Variants in CLASP1 observed in about 807,000 individuals in gnomAD.
CLASP1 encodes the protein CLIP-associating protein 1.
In CLASP1, 38 loss-of-function variants were observed where a neutral mutation model predicts 192.3. The observed-to-expected ratio is 0.20, with a 90% CI of 0.15 to 0.26. The LOEUF (loss-of-function observed/expected upper bound fraction) is 0.26, where lower values mean the gene tolerates loss of function less well. CLASP1 is among the 10% of genes least tolerant of loss of function. CLASP1 has a pLI of 1.00. For synonymous variants in CLASP1, 691 were observed against 712.8 expected (o/e 0.97, Z 0.49); for missense variants, 1,433 against 1,932.5 (o/e 0.74, Z 4.85).
chr2:121,474,213 T>C (rs183651217), intron 8 of CLASP1, among the ~76,000 whole-genome samples: 25 of 152,266 alleles, frequency 1.6e-4, no homozygotes, highest in Admixed American at 1.4e-3. Flanking sequence ...AATTAGGATA[T>C]ATGTTGCTGT....
intron 2 of CLASP1, among the ~76,000 whole-genome samples, chr2:121,536,289 G>A (rs1425589281): frequency 6.8e-6 from 1 of 146,186 alleles, no homozygotes; most frequent in African/African-American, 2.6e-5. Context: ...GCTGAGGCAG[G>A]AGAATCGCAT....
intron 2 of CLASP1, among the ~76,000 whole-genome samples, chr2:121,564,542 C>T (rs1207997035): frequency 1.3e-5 from 2 of 152,188 alleles, no homozygotes; most frequent in East Asian, 3.8e-4. Context: ...CCAAGGGGCT[C>T]TAAAGCCCAG....
intron 28 of CLASP1, among the ~76,000 whole-genome samples, chr2:121,400,526 C>G (rs1411389434): frequency 1.3e-5 from 2 of 152,230 alleles, no homozygotes; most frequent in East Asian, 3.8e-4. Context: ...ATACCACCCC[C>G]CTGCCCCCAC....
intron 25 of CLASP1, among the ~76,000 whole-genome samples, chr2:121,406,520 G>A (rs2076933836): frequency 6.6e-6 from 1 of 152,196 alleles, no homozygotes; most frequent in Non-Finnish European, 1.5e-5. Flanking sequence ...TGTACAGGAA[G>A]ATTTCTCAAA....
intron 2 of CLASP1, among the ~76,000 whole-genome samples, chr2:121,600,896 C>T (rs1271912563): frequency 2.0e-5 from 3 of 152,194 alleles, no homozygotes; most frequent in African/African-American, 7.2e-5. Context: ...CATTCAAAGG[C>T]AATCACGGAC....
At chr2:121,648,232 T>C (rs1441387089) in intron 1 of CLASP1, among the ~76,000 whole-genome samples, 3 of 152,164 alleles carry the variant, frequency 2.0e-5, no homozygotes, top group Non-Finnish European at 2.9e-5. Context: ...AATGCCAGAA[T>C]TGAAAACGGA....
intron 6 of CLASP1, among the ~76,000 whole-genome samples, chr2:121,518,492 A>G (rs1346867893): frequency 2.0e-5 from 3 of 152,194 alleles, no homozygotes; most frequent in Admixed American, 2.0e-4. Flanking sequence ...GCATTTTGTT[A>G]TGGCAGCCAG....
chr2:121,511,646 G>C lies in CLASP1; in HGVS notation c.644+4019C>G, dbSNP rs1302736907. Among the ~76,000 whole-genome samples the C allele has an allele frequency of 8.7e-5, 13 of 149,536 alleles. No homozygotes were observed. In the East Asian group the frequency reaches 2.3e-3, roughly 27 times the overall value. On this transcript the variant is annotated intron_variant, in intron 7 of 39. Coordinates refer to ENST00000263710, the Ensembl canonical transcript of CLASP1. ...TGAAATTCAGCCTGCATAGTGAAAA[G>C]TATAATTCTTATAGTGACAAAAAAT... is the stretch of plus-strand genomic sequence containing the variant.
At chr2:121,357,707 T>C (rs1343396510) in intron 37 of CLASP1, among the ~76,000 whole-genome samples, 1 of 152,206 alleles carries the variant, frequency 6.6e-6, no homozygotes, top group Admixed American at 6.5e-5. Context: ...AAATAGACAC[T>C]GTGCCTGGCA....
intron 2 of CLASP1, among the ~76,000 whole-genome samples, chr2:121,594,615 T>C (rs932542112): frequency 6.6e-6 from 1 of 152,042 alleles, no homozygotes; most frequent in Non-Finnish European, 1.5e-5. Flanking sequence ...ATGGTCTCCA[T>C]CTCCTGACCT....
intron 28 of CLASP1, among the ~76,000 whole-genome samples, chr2:121,400,615 T>C (rs2076022288): frequency 6.6e-6 from 1 of 152,234 alleles, no homozygotes; most frequent in Non-Finnish European, 1.5e-5. Context: ...AAATCCTGGA[T>C]TTGCGTTCCC....
chr2:121,466,244 G>A (rs6541778), intron 9 of CLASP1, among the ~76,000 whole-genome samples: 38,361 of 152,064 alleles, frequency 0.25, 7,716 homozygotes, highest in African/African-American at 0.56. Context: ...TTTAAACTCA[G>A]TAACAAAAAG....
intron 39 of CLASP1, 41 bp downstream of exon 40, chr2:121,346,997 A>G (rs778847434): frequency 2.3e-5 from 29 of 1,253,838 alleles, no homozygotes; most frequent in Non-Finnish European, 3.2e-5. Context: ...AAGCTGGCAG[A>G]GCCCAGGTGT....
At chr2:121,384,071 CACACACATATATATGTATATAT>C (rs1374710271) in intron 32 of CLASP1, among the ~76,000 whole-genome samples, 138 of 136,912 alleles carry the variant, frequency 1.0e-3, no homozygotes, top group South Asian at 2.5e-3. Context: ...TATATATACA[CACACACATATATATGTATATAT>C]ACACACATAT....
chr2:121,463,444 G>C (rs577931804), intron 9 of CLASP1, among the ~76,000 whole-genome samples: 2 of 152,166 alleles, frequency 1.3e-5, no homozygotes, highest in African/African-American at 4.8e-5. Context: ...CATCACTCTT[G>C]CTGAAGATCA....
At chr2:121,609,777 C>A (rs1363624544) in intron 1 of CLASP1, among the ~76,000 whole-genome samples, 1 of 152,100 alleles carries the variant, frequency 6.6e-6, no homozygotes, top group Non-Finnish European at 1.5e-5. Context: ...CCTGTCTCTA[C>A]TAAAAATACA....
At chr2:121,527,942 A>G in intron 4 of CLASP1, 52 bp from the exon 5 acceptor site, 1 of 1,442,806 alleles carries the variant, frequency 6.9e-7, no homozygotes, top group Non-Finnish European at 9.7e-7. Flanking sequence ...TGCAGCTGAC[A>G]CTTTATAAGG....
chr2:121,374,853 T>G (rs1198384751), intron 34 of CLASP1, among the ~76,000 whole-genome samples: 1 of 152,238 alleles, frequency 6.6e-6, no homozygotes, highest in Non-Finnish European at 1.5e-5. Flanking sequence ...ACTAACTTGT[T>G]TTTTATTTTA....
Position 121,367,575 on chromosome 2 carries a change from AAG to A in CLASP1, c.3886+11_3886+12del. ...ACTTCTGGGTGGGGACAGTTAAGAA[AAG>A]AGACACCAACCGTCTCGAAGCTGCT... is the stretch of plus-strand genomic sequence containing the variant. On this transcript the variant is annotated intron_variant, in intron 35 of 39. Coordinates refer to ENST00000263710, the Ensembl canonical transcript of CLASP1. The A allele has an allele frequency of 6.2e-7, 1 of 1,613,950 alleles. No homozygotes were observed. Among genetic ancestry groups the A allele is most frequent in the East Asian group, 2.2e-5 (1 of 44,872 alleles).
Sources: gnomAD v4.1 joint callset for allele counts (sites outside exome capture counted in the v4.1 genomes callset) on GRCh38, gnomAD v4.1.1 for gene constraint, MANE v1.5 for transcripts, NCBI Gene and HGNC (gene_info 2026-07-23, HGNC 2026-07-21) for gene names.